Variants in PLEKHA3 observed in about 807,000 individuals in gnomAD.
PLEKHA3 encodes pleckstrin homology domain-containing family A member 3.
PLEKHA3 carries 19 observed loss-of-function variants against 39.2 expected under a neutral mutation model. The observed-to-expected ratio is 0.48, with a 90% confidence interval of 0.34 to 0.71. PLEKHA3 has a LOEUF of 0.71. Ranked by LOEUF, PLEKHA3 falls within the 30% of genes least tolerant of loss-of-function variation. The probability of loss-of-function intolerance (pLI) is 0.01; values close to 1 mark genes in which losing one functional copy is unlikely to be tolerated. For missense variants in PLEKHA3, 253 were observed against 359.5 expected (o/e 0.70, Z 2.40); for synonymous variants, 97 against 118.6 (o/e 0.82, Z 1.18).
chr2:178,514,773 C>T lies in PLEKHA3; in HGVS notation c.*10886C>T, dbSNP rs1346663086. 1 of 151,588 alleles carries T rather than the reference C, an allele frequency of 6.6e-6. No homozygotes were observed. Among genetic ancestry groups the T allele is most frequent in the Non-Finnish European group, 1.5e-5 (1 of 67,996 alleles). The allele number at this position is 151,588 out of a possible 1,614,324, so 9.4% of individuals were successfully genotyped here. ...AGTCACTTTTTGTGTTTTGATCACC[C>T]TTAGTCATCACTGGAGAGAAGAGTT... is the stretch of plus-strand genomic sequence containing the variant. On this transcript the variant is annotated 3_prime_UTR_variant, in exon 8 of 8. Coordinates refer to ENST00000234453, the MANE Select transcript of PLEKHA3 (RefSeq NM_019091.4).
chr2:178,492,475 G>A (rs567678321), intron 3 of PLEKHA3, among the ~76,000 whole-genome samples: 1 of 110,446 alleles, frequency 9.1e-6, no homozygotes, highest in South Asian at 3.4e-4. Context: ...AATCATGTGG[G>A]GTGGGGGGAG....
intron 2 of PLEKHA3, among the ~76,000 whole-genome samples, chr2:178,489,971 C>G (rs1685318191): frequency 6.6e-6 from 1 of 152,174 alleles, no homozygotes; most frequent in Non-Finnish European, 1.5e-5. Context: ...TCTACTAGCA[C>G]TGCTCTGAGC....
Position 178,480,766 on chromosome 2 carries a change from A to AG in PLEKHA3, c.-99dup. 1 of 1,019,970 alleles carries AG rather than the reference A, an allele frequency of 9.8e-7. No homozygotes were observed. The highest frequency in any genetic ancestry group is 1.3e-6 in the Non-Finnish European group (1 of 782,588). The allele number at this position is 1,019,970 out of a possible 1,614,324, so 63.2% of individuals were successfully genotyped here. Reference sequence around the variant, plus strand: ...GCAGAAAGCGGCTTCGTGCCGGCGGAGGGGGCCCGGGCGGGCCGGGAGGGG... The same window carrying AG: ...GCAGAAAGCGGCTTCGTGCCGGCGGAGGGGGGCCCGGGCGGGCCGGGAGGGG... On this transcript the variant is annotated 5_prime_UTR_variant, in exon 1 of 8. Transcript: ENST00000234453.
chr2:178,509,053 T>A lies in PLEKHA3; in HGVS notation c.*5166T>A, dbSNP rs1361680706. 11 of 153,804 alleles carry A rather than the reference T, an allele frequency of 7.2e-5. No homozygotes were observed. The allele number at this position is 153,804 out of a possible 1,614,324, so 9.5% of individuals were successfully genotyped here. ...TTTGGGTACTTAGGCTTTAACTTCC[T>A]CCACTCTGCTAGGTTAGGTATTGCA... On this transcript the variant is annotated 3_prime_UTR_variant, in exon 8 of 8. Coordinates refer to ENST00000234453, the MANE Select transcript of PLEKHA3 (RefSeq NM_019091.4).
intron 2 of PLEKHA3, among the ~76,000 whole-genome samples, chr2:178,488,267 A>G (rs1685284670): frequency 6.6e-6 from 1 of 152,144 alleles, no homozygotes; most frequent in African/African-American, 2.4e-5. Context: ...GTTTTCTTCC[A>G]CTGTGTAGTT....
chr2:178,493,816 A>C, intron 3 of PLEKHA3, 37 bp from the exon 4 acceptor site: 1 of 1,554,230 alleles, frequency 6.4e-7, no homozygotes, highest in Middle Eastern at 1.7e-4. Flanking sequence ...AGAATATGAA[A>C]ATGATCTAAC....
intron 2 of PLEKHA3, among the ~76,000 whole-genome samples, chr2:178,489,342 T>C: frequency 6.6e-6 from 1 of 151,834 alleles, no homozygotes; most frequent in Non-Finnish European, 1.5e-5. Flanking sequence ...TTTATAGCAA[T>C]TAATTATTTA....
intron 7 of PLEKHA3, among the ~76,000 whole-genome samples, chr2:178,502,697 T>C (rs985280214): frequency 6.6e-6 from 1 of 151,826 alleles, no homozygotes; most frequent in South Asian, 2.1e-4. Context: ...TAGTCCTGAA[T>C]ATTTGAAAAC....
In PLEKHA3 at chr2:178,480,759, C is replaced by G. The variant is rs1161782551; in HGVS notation, c.-111C>G. 4.2e-6 allele frequency: 4 copies of G among 960,766 alleles called. No individual in the cohort carries two copies. Among genetic ancestry groups the G allele is most frequent in the Non-Finnish European group, 4.1e-6 (3 of 731,014 alleles). 59.5% of individuals were successfully genotyped at this position (960,766 alleles called of 1,614,324 possible). ...CGCGCAGGCAGAAAGCGGCTTCGTG[C>G]CGGCGGAGGGGGCCCGGGCGGGCCG... is the stretch of plus-strand genomic sequence containing the variant. On this transcript the variant is annotated 5_prime_UTR_variant, in exon 1 of 8. Coordinates refer to ENST00000234453, the MANE Select transcript of PLEKHA3 (RefSeq NM_019091.4).
chr2:178,488,981 A>T (rs1228688504), intron 2 of PLEKHA3: 1 of 459,598 alleles, frequency 2.2e-6, no homozygotes, highest in Non-Finnish European at 4.5e-6. Flanking sequence ...ACAACTTTGG[A>T]GGGGACCACC....
At chr2:178,500,971 C>A in intron 6 of PLEKHA3, 90 bp from the exon 7 acceptor site, 1 of 807,372 alleles carries the variant, frequency 1.2e-6, no homozygotes, top group Non-Finnish European at 2.1e-6. Context: ...ATTCTTTTTT[C>A]ACTTAAAGAG....
intron 2 of PLEKHA3, chr2:178,489,114 C>G (rs951190342): frequency 1.5e-5 from 5 of 333,334 alleles, no homozygotes; most frequent in Admixed American, 4.5e-5. Context: ...TTGGTGCTTT[C>G]ACTAGTATTG....
At chr2:178,497,940 GT>G (rs34857859) in intron 5 of PLEKHA3, among the ~76,000 whole-genome samples, 8,960 of 148,630 alleles carry the variant, frequency 0.06, 334 homozygotes, top group Non-Finnish European at 0.085. Context: ...CAATCTTCAT[GT>G]TTTTTTTTTA....
At position 178,509,531 on chromosome 2, in the gene PLEKHA3, A is replaced by G. The variant is rs1049882918; in HGVS notation, c.*5644A>G. 6.7e-6 allele frequency: 1 copy of G among 148,494 alleles called. No individual in the cohort carries two copies. Among genetic ancestry groups the G allele is most frequent in the East Asian group, 2.0e-4 (1 of 5,036 alleles). 9.2% of individuals were successfully genotyped at this position (148,494 alleles called of 1,614,324 possible). A position where few individuals can be genotyped will look rare whatever the true frequency, so the allele number is the denominator to read the frequency against. Reference sequence around the variant, plus strand: ...CTCACTCTTTCACCCAGTCTTGAGTATAGTGGAGTGATCTCAGCTCACTGC... The same window carrying G: ...CTCACTCTTTCACCCAGTCTTGAGTGTAGTGGAGTGATCTCAGCTCACTGC... On this transcript the variant is annotated 3_prime_UTR_variant, in exon 8 of 8. Transcript: ENST00000234453.
chr2:178,511,857 C>T lies in PLEKHA3; in HGVS notation c.*7970C>T, dbSNP rs1411925795. On this transcript the variant is annotated 3_prime_UTR_variant, in exon 8 of 8. Coordinates refer to ENST00000234453, the MANE Select transcript of PLEKHA3 (RefSeq NM_019091.4). ...TTGGCGTCCTTATGCTGCCTCTTCTCCAAATACAGTAACTAATCTAGTATA... is the reference window on the plus strand; with the variant it reads ...TTGGCGTCCTTATGCTGCCTCTTCTTCAAATACAGTAACTAATCTAGTATA... The T allele has an allele frequency of 1.3e-5, 2 of 152,238 alleles. No individual in the cohort carries two copies. Among genetic ancestry groups the T allele is most frequent in the African/African-American group, 2.4e-5 (1 of 41,450 alleles). The allele number at this position is 152,238 out of a possible 1,614,324, so 9.4% of individuals were successfully genotyped here. A position where few individuals can be genotyped will look rare whatever the true frequency, so the allele number is the denominator to read the frequency against.
At chr2:178,490,938 T>C in intron 3 of PLEKHA3, 124 bp downstream of exon 3, 2 of 736,522 alleles carry the variant, frequency 2.7e-6, no homozygotes, top group Non-Finnish European at 4.2e-6. Context: ...TAGATTTACG[T>C]ATATCTTTAT....
At chr2:178,490,179 C>G (rs1261468748) in intron 2 of PLEKHA3, among the ~76,000 whole-genome samples, 1 of 152,190 alleles carries the variant, frequency 6.6e-6, no homozygotes, top group Non-Finnish European at 1.5e-5. Flanking sequence ...ATGTGTTATG[C>G]TATGATCCAT....
At chr2:178,494,306 A>G (rs1173123434) in intron 4 of PLEKHA3, among the ~76,000 whole-genome samples, 1 of 152,224 alleles carries the variant, frequency 6.6e-6, no homozygotes, top group East Asian at 1.9e-4. Flanking sequence ...TTCACTGGAC[A>G]GCTGCTATTC....
At chr2:178,498,101 A>G (rs207462677) in intron 5 of PLEKHA3, among the ~76,000 whole-genome samples, 1 of 152,190 alleles carries the variant, frequency 6.6e-6, no homozygotes, top group African/African-American at 2.4e-5. Context: ...GTTAATCTCA[A>G]TGAATTCATC....
Sources: allele counts gnomAD v4.1 joint callset (sites outside exome capture counted in the v4.1 genomes callset), GRCh38; gene constraint gnomAD v4.1.1; transcripts MANE v1.5; gene names NCBI Gene and HGNC (gene_info 2026-07-23, HGNC 2026-07-21).